SANBR: variants seen among roughly 807,000 people sequenced by gnomAD.
The protein encoded by SANBR is SANT and BTB domain regulator of CSR, also known as SANT and BTB domain regulator of class switch recombination.
A neutral mutation model predicts 101.8 loss-of-function variants in SANBR; 77 were observed. That is an observed-to-expected ratio of 0.76 (90% CI 0.63 to 0.91). SANBR has a LOEUF of 0.91. Among genes scored for constraint, SANBR ranks in the 40% least tolerant of loss-of-function variants. The probability of loss-of-function intolerance (pLI) is 0.00; values close to 1 mark genes in which losing one functional copy is unlikely to be tolerated. For missense variants in SANBR, 875 were observed against 853.0 expected, an observed-to-expected ratio of 1.03 and a Z score of -0.32; for synonymous variants, 279 against 274.7, an observed-to-expected ratio of 1.02 and a Z score of -0.15.
intron 20 of SANBR, among the ~76,000 whole-genome samples, chr2:61,133,740 TAGAG>T (rs1484599959): frequency 1.3e-5 from 2 of 152,138 alleles, no homozygotes; most frequent in Non-Finnish European, 2.9e-5. Flanking sequence ...GTCAAATATA[TAGAG>T]ACAGACAAGA....
intron 6 of SANBR, among the ~76,000 whole-genome samples, chr2:61,078,578 C>T (rs951679479): frequency 6.6e-6 from 1 of 151,924 alleles, no homozygotes; most frequent in Admixed American, 6.6e-5. Flanking sequence ...CATGTCACCA[C>T]GCCCTGCTAA....
At chr2:61,077,313 TTAGTAAATTA>T (rs915582661) in intron 6 of SANBR, among the ~76,000 whole-genome samples, 155 bp downstream of exon 6, 1 of 152,226 alleles carries the variant, frequency 6.6e-6, no homozygotes, top group Non-Finnish European at 1.5e-5. Flanking sequence ...CTCATCTTTT[TTAGTAAATTA>T]TAGTAAATTT....
chr2:61,104,770 T>TA (rs556252804), intron 13 of SANBR, among the ~76,000 whole-genome samples: 59 of 151,976 alleles, frequency 3.9e-4, no homozygotes, highest in Non-Finnish European at 6.9e-4. Context: ...GAGGACTCTT[T>TA]AAAAGAGGCT....
rs70959893 is a variant in SANBR, at chr2:61,072,821, C to CTTTTTTTTTTTTTTTTTTTTTTTTTTTTT, written c.338-636_338-608dup. ...AGACTCTTGCTTGTCTCTCATGTTA[C>CTTTTTTTTTTTTTTTTTTTTTTTTTTTTT]TTTTTTTTTTTTTTTTTTTTTTTTT... On this transcript the variant is annotated intron_variant, in intron 4 of 21. Transcript: ENST00000402291. Among the ~76,000 whole-genome samples the CTTTTTTTTTTTTTTTTTTTTTTTTTTTTT allele has an allele frequency of 4.7e-4, 15 of 31,660 alleles. 2 individuals carry two copies. The highest frequency in any genetic ancestry group is 0.026 in the Middle Eastern group (1 of 38). 20.8% of individuals were successfully genotyped at this position (31,660 alleles called of 152,430 possible). A position where few individuals can be genotyped will look rare whatever the true frequency, so the allele number is the denominator to read the frequency against.
At chr2:61,088,597 G>A (rs767945139) in intron 10 of SANBR, 129 bp downstream of exon 10, 33 of 517,260 alleles carry the variant, frequency 6.4e-5, no homozygotes, top group Non-Finnish European at 1.0e-4. Flanking sequence ...TTGGCTGACT[G>A]CAACCTTCCG....
At chr2:61,074,925 T>C (rs1473066510) in intron 5 of SANBR, 1 of 152,192 alleles carries the variant, frequency 6.6e-6, no homozygotes, top group African/African-American at 2.4e-5. Context: ...TGATAGAGCA[T>C]TGATTATAAT....
exon 22 of SANBR, chr2:61,137,599 C>T (rs1053932068): frequency 1.3e-5 from 2 of 151,984 alleles, no homozygotes; most frequent in Non-Finnish European, 2.9e-5. Context: ...CTTGTATTTT[C>T]TTTTTAATTA....
intron 16 of SANBR, among the ~76,000 whole-genome samples, chr2:61,111,791 A>T (rs1015106632): frequency 6.6e-6 from 1 of 152,240 alleles, no homozygotes; most frequent in Admixed American, 6.5e-5. Flanking sequence ...TTTCATATGA[A>T]TGGAATCATG....
In SANBR at chr2:61,083,426, T is replaced by C. The variant is rs373117488; in HGVS notation, c.890+112T>C. ...TTTCTTTTTTCTTTGAGAAAGGTTCTCACTCTGTTGTTCAGGCTGGAGTGC... is the reference window on the plus strand; with the variant it reads ...TTTCTTTTTTCTTTGAGAAAGGTTCCCACTCTGTTGTTCAGGCTGGAGTGC... On this transcript the variant is annotated intron_variant, in intron 8 of 21. Transcript: ENST00000402291. 128 of 780,938 alleles carry C rather than the reference T, an allele frequency of 1.6e-4. No individual in the cohort carries two copies. The African/African-American group carries it at 2.1e-3, about 13-fold the overall frequency. The allele number at this position is 780,938 out of a possible 1,614,324, so 48.4% of individuals were successfully genotyped here.
chr2:61,087,314 G>C (rs764365645), intron 8 of SANBR, among the ~76,000 whole-genome samples: 1 of 152,092 alleles, frequency 6.6e-6, no homozygotes, highest in Non-Finnish European at 1.5e-5. Flanking sequence ...TCAGCACTTC[G>C]GGAGGCCAAA....
At chr2:61,104,546 G>A (rs534465807) in intron 13 of SANBR, among the ~76,000 whole-genome samples, 1 of 152,130 alleles carries the variant, frequency 6.6e-6, no homozygotes, top group African/African-American at 2.4e-5. Flanking sequence ...CCAATGTGTG[G>A]TGGTGATGAA....
At chr2:61,067,899 C>T (rs949636332) in intron 1 of SANBR, among the ~76,000 whole-genome samples, 2 of 152,190 alleles carry the variant, frequency 1.3e-5, no homozygotes, top group Non-Finnish European at 2.9e-5. Context: ...ATTGATTAAT[C>T]CAGCAGGACA....
intron 20 of SANBR, among the ~76,000 whole-genome samples, chr2:61,120,412 A>C (rs1258989959): frequency 6.6e-6 from 1 of 152,204 alleles, no homozygotes; most frequent in African/African-American, 2.4e-5. Context: ...AGGCAGGAGA[A>C]TCACTTGAAC....
chr2:61,103,765 T>A (rs887155584), intron 12 of SANBR, 88 bp from the exon 13 acceptor site: 1 of 1,218,618 alleles, frequency 8.2e-7, no homozygotes, highest in African/African-American at 1.5e-5. Context: ...TATGACAATA[T>A]GACTTGGCAA....
chr2:61,071,485 G>C (rs1681465805), intron 3 of SANBR, 121 bp from the exon 4 acceptor site: 1 of 492,202 alleles, frequency 2.0e-6, no homozygotes. Context: ...GGGAGGCGGA[G>C]GTTGCAGTGA....
intron 5 of SANBR, among the ~76,000 whole-genome samples, chr2:61,075,557 C>T (rs1681722282): frequency 2.0e-5 from 3 of 152,124 alleles, no homozygotes; most frequent in South Asian, 4.1e-4. Context: ...CCTTGCCCAG[C>T]CGACGTAATT....
At chr2:61,125,354 G>A (rs1429050981), downstream of SANBR, among the ~76,000 whole-genome samples, 1 of 152,186 alleles carries the variant, frequency 6.6e-6, no homozygotes, top group African/African-American at 2.4e-5. Flanking sequence ...GTGCGTATAT[G>A]TATTTAGTGC....
chr2:61,091,394 A>C lies in SANBR; in HGVS notation c.1089-1070A>C, dbSNP rs1054240174. On this transcript the variant is annotated intron_variant, in intron 10 of 21. Transcript: ENST00000402291. ...ATCACCTGAGGTCAAGAGTTCGGGA[A>C]AAGCCTGGCCAATGTGGTAAAACCC... Among the ~76,000 whole-genome samples the C allele has an allele frequency of 4.6e-5, 7 of 152,006 alleles. No homozygotes were observed. The East Asian group carries it at 1.4e-3, about 29-fold the overall frequency.
chr2:61,104,022 C>A, intron 13 of SANBR, 24 bp downstream of exon 13: 1 of 1,609,338 alleles, frequency 6.2e-7, no homozygotes, highest in Non-Finnish European at 8.5e-7. Flanking sequence ...AAACCCAACA[C>A]TGTATTATAG....
Sources: gnomAD v4.1 joint callset for allele counts (sites outside exome capture counted in the v4.1 genomes callset) on GRCh38, gnomAD v4.1.1 for gene constraint, MANE v1.5 for transcripts, NCBI Gene and HGNC (gene_info 2026-07-23, HGNC 2026-07-21) for gene names.